Variants in CNTNAP2 observed in about 807,000 individuals in gnomAD.
CNTNAP2 encodes the protein contactin-associated protein-like 2.
In CNTNAP2, 98 loss-of-function variants were observed where a neutral mutation model predicts 155.2. The ratio of observed to expected loss-of-function variants is 0.63; its 90% CI spans 0.54 to 0.75. The LOEUF is 0.75. CNTNAP2 is among the 30% of genes least tolerant of loss of function. The pLI is 0.00. For synonymous variants in CNTNAP2, 651 were observed against 631.2 expected (o/e 1.03, Z -0.47); for missense variants, 1,727 against 1,688.1 (o/e 1.02, Z -0.40).
intron 1 of CNTNAP2, among the ~76,000 whole-genome samples, chr7:146,326,177 T>A (rs971074426): frequency 3.3e-5 from 5 of 152,118 alleles, no homozygotes; most frequent in African/African-American, 1.2e-4. Context: ...CACACACGCA[T>A]ACACATACAC....
intron 12 of CNTNAP2, among the ~76,000 whole-genome samples, chr7:147,625,039 G>A (rs1472149786): frequency 2.0e-5 from 3 of 152,102 alleles, no homozygotes; most frequent in Non-Finnish European, 4.4e-5. Flanking sequence ...TCACTTATTT[G>A]GGGGATCCAA....
intron 15 of CNTNAP2, among the ~76,000 whole-genome samples, chr7:148,020,822 C>T (rs1320706217): frequency 6.6e-6 from 1 of 152,116 alleles, no homozygotes; most frequent in Non-Finnish European, 1.5e-5. Context: ...CTGAGGTGAG[C>T]ATAAAAAAGG....
chr7:147,071,698 C>G (rs1004120542), intron 4 of CNTNAP2, among the ~76,000 whole-genome samples: 2 of 152,072 alleles, frequency 1.3e-5, no homozygotes, highest in African/African-American at 4.8e-5. Flanking sequence ...AAAGAAGATA[C>G]GGGTAGTTAA....
intron 1 of CNTNAP2, among the ~76,000 whole-genome samples, chr7:146,685,407 T>C (rs534704164): frequency 2.0e-5 from 3 of 152,274 alleles, no homozygotes; most frequent in Admixed American, 2.0e-4. Flanking sequence ...TGCATGGACA[T>C]ATATGAACAT....
intron 15 of CNTNAP2, among the ~76,000 whole-genome samples, chr7:148,074,515 A>AC (rs141861311): frequency 1 from 152,106 of 152,146 alleles, 76,033 homozygotes; most frequent in Non-Finnish European, 1. Context: ...ACATGGTGAA[A>AC]CCCGTCTCTA....
intron 3 of CNTNAP2, among the ~76,000 whole-genome samples, chr7:146,937,255 G>A (rs1796935434): frequency 1.3e-5 from 2 of 151,680 alleles, no homozygotes; most frequent in Admixed American, 6.6e-5. Flanking sequence ...GCAGGGTGTG[G>A]TGGCACGCGC....
At position 147,792,133 on chromosome 7, in the gene CNTNAP2, G is replaced by A. The variant is rs1222914067; in HGVS notation, c.2099-111432G>A. Among the ~76,000 whole-genome samples, 12 of 152,224 alleles carry A rather than the reference G, an allele frequency of 7.9e-5. No individual in the cohort carries two copies. The South Asian group carries it at 1.2e-3, about 16-fold the overall frequency. On this transcript the variant is annotated intron_variant, in intron 13 of 23. Coordinates refer to ENST00000361727, the MANE Select transcript of CNTNAP2 (RefSeq NM_014141.6). ...CCTTGCTCTCAGAATCTTTCTCCACGTATTATAGTATATTATTCAGGCATT... is the reference window on the plus strand; with the variant it reads ...CCTTGCTCTCAGAATCTTTCTCCACATATTATAGTATATTATTCAGGCATT...
chr7:146,987,354 C>A (rs1191819266), intron 3 of CNTNAP2, among the ~76,000 whole-genome samples: 1 of 152,072 alleles, frequency 6.6e-6, no homozygotes, highest in African/African-American at 2.4e-5. Flanking sequence ...GTACTCACTG[C>A]ACCCTACTTT....
intron 15 of CNTNAP2, among the ~76,000 whole-genome samples, chr7:148,035,295 C>T (rs376139187): frequency 9.9e-5 from 15 of 152,238 alleles, no homozygotes; most frequent in South Asian, 2.1e-4. Context: ...GAGAATTACC[C>T]GAAGGTGTTT....
intron 1 of CNTNAP2, among the ~76,000 whole-genome samples, chr7:146,456,767 C>T (rs1283239535): frequency 6.6e-6 from 1 of 151,754 alleles, no homozygotes; most frequent in East Asian, 1.9e-4. Flanking sequence ...TAGGGTTTCA[C>T]TAAAAAAATA....
intron 17 of CNTNAP2, among the ~76,000 whole-genome samples, chr7:148,160,679 C>T (rs573224259): frequency 1.3e-5 from 2 of 152,112 alleles, no homozygotes; most frequent in Admixed American, 6.5e-5. Flanking sequence ...GTACATGGAT[C>T]GGAAGGATCC....
At chr7:146,648,169 T>G (rs1437598809) in intron 1 of CNTNAP2, among the ~76,000 whole-genome samples, 1 of 152,196 alleles carries the variant, frequency 6.6e-6, no homozygotes, top group Non-Finnish European at 1.5e-5. Context: ...TTCAGGGACT[T>G]AAATGTAACC....
At chr7:146,884,578 T>C (rs897496456) in intron 3 of CNTNAP2, among the ~76,000 whole-genome samples, 11 of 152,064 alleles carry the variant, frequency 7.2e-5, no homozygotes, top group African/African-American at 2.4e-4. Flanking sequence ...ACAATGTTCC[T>C]TGAGGTAGAT....
chr7:147,403,322 A>G (rs990600692), intron 10 of CNTNAP2, among the ~76,000 whole-genome samples: 1 of 152,212 alleles, frequency 6.6e-6, no homozygotes, highest in Non-Finnish European at 1.5e-5. Context: ...ATGTCTCCCT[A>G]AAATGTATAA....
intron 1 of CNTNAP2, among the ~76,000 whole-genome samples, chr7:146,731,840 G>C (rs1726559243): frequency 6.6e-6 from 1 of 152,010 alleles, no homozygotes; most frequent in African/African-American, 2.4e-5. Context: ...AACCCAGAAA[G>C]TATTAAATAA....
At chr7:147,298,756 C>T (rs536998531) in intron 8 of CNTNAP2, among the ~76,000 whole-genome samples, 1 of 152,294 alleles carries the variant, frequency 6.6e-6, no homozygotes, top group Admixed American at 6.5e-5. Context: ...TGGCTACATT[C>T]CAATAACATT....
At position 146,613,697 on chromosome 7, in the gene CNTNAP2, C is replaced by A. The variant is rs897151262; in HGVS notation, c.98-160574C>A. 2.0e-5 allele frequency among the ~76,000 whole-genome samples: 3 copies of A among 152,070 alleles called. No individual in the cohort carries two copies. In the East Asian group the frequency reaches 5.8e-4, roughly 29 times the overall value. On this transcript the variant is annotated intron_variant, in intron 1 of 23. Transcript: ENST00000361727. The stretch of plus-strand genomic sequence containing the variant: ...CAGTGTGAAGTGTATTTTATACTTG[C>A]AACACAGCTTAGTTTGAACTAGCTA...
At chr7:146,402,359 A>T (rs557675144) in intron 1 of CNTNAP2, among the ~76,000 whole-genome samples, 1 of 152,114 alleles carries the variant, frequency 6.6e-6, no homozygotes, top group African/African-American at 2.4e-5. Flanking sequence ...ATTTTTCTCA[A>T]TACAAAAGAG....
At chr7:147,028,097 T>A (rs1229461630) in intron 3 of CNTNAP2, among the ~76,000 whole-genome samples, 1 of 152,158 alleles carries the variant, frequency 6.6e-6, no homozygotes. Context: ...GTTGAAAAAG[T>A]CAGCCGTTCT....
Sources: gnomAD v4.1 joint callset for allele counts (sites outside exome capture counted in the v4.1 genomes callset) on GRCh38, gnomAD v4.1.1 for gene constraint, MANE v1.5 for transcripts, NCBI Gene and HGNC (gene_info 2026-07-23, HGNC 2026-07-21) for gene names.